OSBPL10: variants seen among roughly 807,000 people sequenced by gnomAD.
OSBPL10 encodes the protein oxysterol-binding protein-related protein 10.
Under a neutral mutation model 81.7 loss-of-function variants are expected in OSBPL10, and 49 were observed. The observed-to-expected ratio is 0.60, with a 90% confidence interval of 0.48 to 0.76. The LOEUF (loss-of-function observed/expected upper bound fraction) is 0.76. Among genes scored for constraint, OSBPL10 ranks in the 30% least tolerant of loss-of-function variants. The pLI is 0.00. For synonymous variants in OSBPL10, 419 were observed against 383.6 expected (o/e 1.09, Z -1.08); for missense variants, 923 against 987.8 (o/e 0.93, Z 0.88).
At chr3:31,850,325 C>T (rs938125300) in intron 3 of OSBPL10, among the ~76,000 whole-genome samples, 5 of 151,976 alleles carry the variant, frequency 3.3e-5, no homozygotes, top group Middle Eastern at 3.2e-3. Context: ...CAGAGCAAGA[C>T]TCCATCTCAA....
At chr3:31,987,285 A>G (rs1391931585) in intron 2 of OSBPL10, among the ~76,000 whole-genome samples, 2 of 152,220 alleles carry the variant, frequency 1.3e-5, no homozygotes, top group African/African-American at 2.4e-5. Flanking sequence ...AATTTCCTTT[A>G]GAGCTATATT....
intron 2 of OSBPL10, 45 bp from the exon 3 acceptor site, chr3:31,876,557 C>A: frequency 6.6e-7 from 1 of 1,520,844 alleles, no homozygotes; most frequent in South Asian, 1.1e-5. Flanking sequence ...AGAGATTGTT[C>A]CAAAACACAT....
At chr3:31,830,379 G>C in intron 3 of OSBPL10, 148 bp from the exon 4 acceptor site, 1 of 765,136 alleles carries the variant, frequency 1.3e-6, no homozygotes, top group South Asian at 2.0e-5. Context: ...AACACTGCAT[G>C]CCCAAATCCC....
intron 1 of OSBPL10, among the ~76,000 whole-genome samples, chr3:31,886,033 A>G (rs1207240841): frequency 1.5e-5 from 2 of 130,914 alleles, no homozygotes; most frequent in Non-Finnish European, 1.6e-5. Context: ...GAAAGAAAGG[A>G]GAAGGAGATG....
intron 3 of OSBPL10, among the ~76,000 whole-genome samples, chr3:31,847,248 G>A (rs1312799122): frequency 6.6e-6 from 1 of 150,860 alleles, no homozygotes; most frequent in Non-Finnish European, 1.5e-5. Context: ...CCAGGCTAGA[G>A]TACAGTGGCA....
chr3:31,760,331 AG>A (rs1199380082), intron 4 of OSBPL10, among the ~76,000 whole-genome samples: 2 of 152,152 alleles, frequency 1.3e-5, no homozygotes, highest in African/African-American at 2.4e-5. Flanking sequence ...GCGCTGTTCA[AG>A]GGTCAATCGT....
chr3:32,034,104 T>A (rs1046851884), intron 2 of OSBPL10, among the ~76,000 whole-genome samples: 2 of 151,948 alleles, frequency 1.3e-5, no homozygotes. Flanking sequence ...AACCATCAGA[T>A]CTCATGAGCC....
chr3:31,869,100 T>C (rs13315627), intron 3 of OSBPL10, among the ~76,000 whole-genome samples: 26,338 of 152,142 alleles, frequency 0.17, 2,381 homozygotes, highest in African/African-American at 0.23. Flanking sequence ...CTACTAAGCC[T>C]CCAACTCCGA....
intron 8 of OSBPL10, among the ~76,000 whole-genome samples, chr3:31,677,236 A>G (rs115546920): frequency 0.016 from 2,420 of 152,302 alleles, 67 homozygotes; most frequent in African/African-American, 0.055. Context: ...GGGAGCCAGA[A>G]CCTTCTGCTT....
chr3:31,761,377 C>T (rs191345582), intron 4 of OSBPL10, among the ~76,000 whole-genome samples: 31 of 149,744 alleles, frequency 2.1e-4, no homozygotes, highest in African/African-American at 7.6e-4. Flanking sequence ...GAAGCTGAGG[C>T]AGGAGAATTG....
At chr3:31,980,833 A>ACACG (rs1575075650) in intron 1 of OSBPL10, 66 bp downstream of exon 1, 6 of 1,424,524 alleles carry the variant, frequency 4.2e-6, no homozygotes, top group South Asian at 2.8e-5. Context: ...ACACATACAC[A>ACACG]CACGCACGCA....
chr3:31,753,245 T>C (rs1186701386), intron 4 of OSBPL10, among the ~76,000 whole-genome samples: 4 of 150,782 alleles, frequency 2.7e-5, no homozygotes, highest in South Asian at 2.1e-4. Context: ...TGGAGTACAA[T>C]AGCTTGACCT....
intron 1 of OSBPL10, among the ~76,000 whole-genome samples, chr3:31,967,665 C>A (rs1698439120): frequency 6.6e-6 from 1 of 152,102 alleles, no homozygotes; most frequent in African/African-American, 2.4e-5. Context: ...AGGATAAAAA[C>A]AAATCTCCCA....
At chr3:31,752,142 C>A (rs1219361618) in intron 4 of OSBPL10, among the ~76,000 whole-genome samples, 1 of 152,160 alleles carries the variant, frequency 6.6e-6, no homozygotes, top group Non-Finnish European at 1.5e-5. Context: ...AGCTTATCAA[C>A]AAAGGAGCAA....
At chr3:31,792,258 G>A (rs529579251) in intron 4 of OSBPL10, among the ~76,000 whole-genome samples, 2 of 151,942 alleles carry the variant, frequency 1.3e-5, no homozygotes, top group Middle Eastern at 3.4e-3. Context: ...TGAGCAAGTC[G>A]TAATAATCTG....
chr3:31,675,363 C>G (rs1245521130), intron 8 of OSBPL10, among the ~76,000 whole-genome samples: 1 of 152,126 alleles, frequency 6.6e-6, no homozygotes, highest in Non-Finnish European at 1.5e-5. Context: ...GAATATGCCA[C>G]GACTTTTTTT....
At chr3:31,701,017 A>T (rs9849673) in intron 7 of OSBPL10, among the ~76,000 whole-genome samples, 2 of 151,994 alleles carry the variant, frequency 1.3e-5, no homozygotes, top group African/African-American at 4.8e-5. Flanking sequence ...GCAGTCTCCC[A>T]GAATATCAGA....
intron 1 of OSBPL10, among the ~76,000 whole-genome samples, chr3:31,883,467 T>TGACCTCAGGTGATCTGCC (rs1282091361): frequency 6.6e-5 from 10 of 151,914 alleles, no homozygotes; most frequent in Admixed American, 6.6e-5. Context: ...CTCAAACTCC[T>TGACCTCAGGTGATCTGCC]GACCTCAGGT....
At chr3:31,804,658 C>A (rs902860415) in intron 4 of OSBPL10, among the ~76,000 whole-genome samples, 1 of 152,170 alleles carries the variant, frequency 6.6e-6, no homozygotes, top group Non-Finnish European at 1.5e-5. Context: ...CCACAGTGGC[C>A]ATAACGTAAC....
Sources: allele counts gnomAD v4.1 joint callset (sites outside exome capture counted in the v4.1 genomes callset), GRCh38; gene constraint gnomAD v4.1.1; transcripts MANE v1.5; gene names NCBI Gene and HGNC (gene_info 2026-07-23, HGNC 2026-07-21).